Variants in PPP3CC observed in about 807,000 individuals in gnomAD.
The protein encoded by PPP3CC is protein phosphatase 3 catalytic subunit gamma, also known as serine/threonine-protein phosphatase 2B catalytic subunit gamma isoform.
In PPP3CC, 35 loss-of-function variants were observed where a neutral mutation model predicts 60.3. That is an observed-to-expected ratio of 0.58 (90% confidence interval 0.44 to 0.77). The LOEUF (loss-of-function observed/expected upper bound fraction) is 0.77, where lower values mean the gene tolerates loss of function less well. Among genes scored for constraint, PPP3CC ranks in the 30% least tolerant of loss-of-function variants. PPP3CC has a pLI of 0.00. For synonymous variants in PPP3CC, 206 were observed against 224.3 expected (o/e 0.92, Z 0.73); for missense variants, 570 against 628.9 (o/e 0.91, Z 1.00).
intron 1 of PPP3CC, among the ~76,000 whole-genome samples, chr8:22,472,998 A>G (rs1001568936): frequency 6.6e-6 from 1 of 152,186 alleles, no homozygotes; most frequent in Non-Finnish European, 1.5e-5. Flanking sequence ...ACACAACTGT[A>G]TTTAGCTATT....
intron 4 of PPP3CC, among the ~76,000 whole-genome samples, chr8:22,504,749 C>G (rs1379786634): frequency 7.5e-6 from 1 of 132,646 alleles, no homozygotes; most frequent in South Asian, 2.9e-4. Context: ...CCGTCTTGCT[C>G]TGTTCCCTAG....
intron 6 of PPP3CC, among the ~76,000 whole-genome samples, chr8:22,516,822 A>G (rs1839258069): frequency 1.3e-5 from 2 of 152,208 alleles, no homozygotes; most frequent in Non-Finnish European, 1.5e-5. Flanking sequence ...GTCCCTAAGC[A>G]CAAAAAGGCT....
intron 3 of PPP3CC, among the ~76,000 whole-genome samples, chr8:22,483,044 G>A (rs1838114731): frequency 6.6e-6 from 1 of 152,180 alleles, no homozygotes; most frequent in African/African-American, 2.4e-5. Context: ...ATCATGTACA[G>A]TGAAGGACAG....
At chr8:22,469,639 G>A (rs991416960) in intron 1 of PPP3CC, among the ~76,000 whole-genome samples, 3 of 151,968 alleles carry the variant, frequency 2.0e-5, no homozygotes, top group Non-Finnish European at 4.4e-5. Context: ...TAAGTCATAC[G>A]AAGAGGCCAC....
intron 3 of PPP3CC, among the ~76,000 whole-genome samples, chr8:22,484,411 T>C (rs1283397092): frequency 1.3e-5 from 2 of 152,216 alleles, no homozygotes; most frequent in Admixed American, 1.3e-4. Flanking sequence ...GCTTTTGTTT[T>C]AGAGTTTTGG....
chr8:22,503,748 C>T (rs553580127), intron 4 of PPP3CC, among the ~76,000 whole-genome samples: 26 of 152,274 alleles, frequency 1.7e-4, no homozygotes, highest in African/African-American at 6.0e-4. Flanking sequence ...CATGATTTAA[C>T]TGTAGTTAAA....
At chr8:22,460,430 G>GA (rs1179620616) in intron 1 of PPP3CC, among the ~76,000 whole-genome samples, 1 of 151,402 alleles carries the variant, frequency 6.6e-6, no homozygotes, top group Non-Finnish European at 1.5e-5. Context: ...GTCCTCAAGT[G>GA]ATTTTCCCAT....
At chr8:22,537,496 G>A (rs1160673267) in intron 12 of PPP3CC, among the ~76,000 whole-genome samples, 1 of 152,132 alleles carries the variant, frequency 6.6e-6, no homozygotes, top group Non-Finnish European at 1.5e-5. Context: ...AAAACATTCT[G>A]ACAGGTCTTC....
intron 3 of PPP3CC, chr8:22,492,560 A>G: frequency 5.1e-6 from 2 of 392,890 alleles, no homozygotes; most frequent in African/African-American, 2.0e-5. Flanking sequence ...GGTCCACCCG[A>G]GACCCCCAAG....
chr8:22,512,863 G>A (rs1477359668), intron 5 of PPP3CC, among the ~76,000 whole-genome samples: 3 of 152,108 alleles, frequency 2.0e-5, no homozygotes, highest in African/African-American at 7.2e-5. Context: ...GATCACCTGA[G>A]GTCAGGAGTT....
chr8:22,442,252 C>T (rs946784014), intron 1 of PPP3CC, among the ~76,000 whole-genome samples: 1 of 152,340 alleles, frequency 6.6e-6, no homozygotes, highest in South Asian at 2.1e-4. Flanking sequence ...TTAGGCACAA[C>T]CCTTCTCTCT....
chr8:22,494,048 C>A (rs572416436), intron 3 of PPP3CC, among the ~76,000 whole-genome samples: 96 of 152,162 alleles, frequency 6.3e-4, no homozygotes, highest in Non-Finnish European at 1.0e-3. Flanking sequence ...TTTATGGGAC[C>A]ATTGTCCTGT....
At position 22,513,409 on chromosome 8, in the gene PPP3CC, C is replaced by G; in HGVS notation, c.747C>G (p.Val249=). ...TGGAGCACTATACCCACAACACTGT[C>G]CGAGGGTGCTCTTATTTCTACAGGT... ...KTLEHYTHNT[V]RGCSYFYSYP... is the part of the protein sequence containing the mutation. The change falls in exon 6 of 14, where the codon GTC becomes GTG. Residue 249 remains valine, a synonymous_variant. Transcript: ENST00000240139. The G allele has an allele frequency of 1.2e-6, 2 of 1,607,858 alleles. No individual in the cohort carries two copies. The highest frequency in any genetic ancestry group is 8.5e-7 in the Non-Finnish European group (1 of 1,178,022).
chr8:22,513,574 T>C, intron 6 of PPP3CC, 142 bp downstream of exon 6: 1 of 941,660 alleles, frequency 1.1e-6, no homozygotes, highest in Non-Finnish European at 1.5e-6. Flanking sequence ...GCAAGAAACT[T>C]GTTTGTTTGT....
At chr8:22,497,741 T>C (rs1455187973) in intron 3 of PPP3CC, among the ~76,000 whole-genome samples, 3 of 152,168 alleles carry the variant, frequency 2.0e-5, no homozygotes, top group African/African-American at 7.2e-5. Flanking sequence ...ATACAGGTTT[T>C]ACGACTAATA....
chr8:22,538,186 G>GC (rs773869975), intron 12 of PPP3CC, among the ~76,000 whole-genome samples: 5 of 152,122 alleles, frequency 3.3e-5, no homozygotes, highest in Non-Finnish European at 7.4e-5. Context: ...TTCTGGGAGG[G>GC]CCCCAAACAA....
chr8:22,527,302 T>C, intron 8 of PPP3CC, 90 bp from the exon 9 acceptor site: 1 of 1,388,280 alleles, frequency 7.2e-7, no homozygotes, highest in Non-Finnish European at 9.8e-7. Flanking sequence ...GTTCTCGAAT[T>C]CTGTGTAGCA....
intron 4 of PPP3CC, among the ~76,000 whole-genome samples, chr8:22,508,229 T>C (rs1034042517): frequency 3.3e-5 from 5 of 152,152 alleles, no homozygotes; most frequent in African/African-American, 1.2e-4. Flanking sequence ...CACTCCAGCC[T>C]AGGCAACAGT....
At chr8:22,531,961 A>G (rs545808905) in intron 10 of PPP3CC, among the ~76,000 whole-genome samples, 5 of 152,356 alleles carry the variant, frequency 3.3e-5, no homozygotes, top group Non-Finnish European at 7.3e-5. Context: ...ACAACCACAA[A>G]TAAGTTCCTA....
Sources: allele counts gnomAD v4.1 joint callset (sites outside exome capture counted in the v4.1 genomes callset), GRCh38; gene constraint gnomAD v4.1.1; transcripts MANE v1.5; gene names NCBI Gene and HGNC (gene_info 2026-07-23, HGNC 2026-07-21).